Variants in TEKT5 observed in about 807,000 individuals in gnomAD.
TEKT5 encodes tektin-5.
TEKT5 carries 52 observed loss-of-function variants against 48.7 expected under a neutral mutation model. That is an observed-to-expected ratio of 1.07 (90% CI 0.86 to 1.35). The LOEUF is 1.35. Among genes scored for constraint, TEKT5 ranks in the 40% most tolerant of loss-of-function variants. The pLI is 0.00. For missense variants in TEKT5, 831 were observed against 641.6 expected, an observed-to-expected ratio of 1.30 and a Z score of -3.19; for synonymous variants, 318 against 267.6, an observed-to-expected ratio of 1.19 and a Z score of -1.84.
chr16:10,689,148 G>C, intron 3 of TEKT5, 105 bp downstream of exon 3: 1 of 816,108 alleles, frequency 1.2e-6, no homozygotes, highest in African/African-American at 1.8e-5. Flanking sequence ...CTGACCAAAA[G>C]AACCACCCAG....
At position 10,694,853 on chromosome 16, in the gene TEKT5, A is replaced by C. The variant is rs1290686823; in HGVS notation, c.21T>G (p.Thr7=). ...TGGGACCACAGTAACTGGCGGTCTG[A>C]GTAGTCCCAAGAAACTCCATCCTCC... is the stretch of plus-strand genomic sequence containing the variant. MEFLGT[T]QTASYCGPKK... The change falls in exon 1 of 7, where the codon ACT becomes ACG. Residue 7 remains threonine, a synonymous_variant. Coordinates refer to ENST00000283025, the MANE Select transcript of TEKT5 (RefSeq NM_144674.2). 3.8e-6 allele frequency: 6 copies of C among 1,569,596 alleles called. No individual in the cohort carries two copies. The highest frequency in any genetic ancestry group is 5.2e-6 in the Non-Finnish European group (6 of 1,161,086).
At position 10,694,521 on chromosome 16, in the gene TEKT5, T is replaced by G. The variant is rs775187217; in HGVS notation, c.353A>C (p.Asp118Ala). ...CTTGTCCTGCAAGAGCCTCATGGAG[T>G]CATCCGTCAGCCGGCTGGCCCACAG... Reference protein sequence around the residue: ...SRLWASRLTDDSMRLLQDKDQ... With the variant: ...SRLWASRLTDASMRLLQDKDQ... The change falls in exon 1 of 7, where the codon GAC becomes GCC. Residue 118 changes from aspartate (D) to alanine (A), a missense_variant. Coordinates refer to ENST00000283025, the MANE Select transcript of TEKT5 (RefSeq NM_144674.2). 5 of 1,609,312 alleles carry G rather than the reference T, an allele frequency of 3.1e-6. No individual in the cohort carries two copies. The South Asian group carries it at 5.5e-5, about 18-fold the overall frequency.
chr16:10,638,616 T>A lies in TEKT5; in HGVS notation c.1087-2698A>T, dbSNP rs904475279. ...CACTCCATACCACCTAAAGAAGCTA[T>A]TCATCAGCTCCACCAGGAACATCTT... is the stretch of plus-strand genomic sequence containing the variant. On this transcript the variant is annotated intron_variant, in intron 5 of 6. Transcript: ENST00000283025. Among the ~76,000 whole-genome samples, 3 of 152,224 alleles carry A rather than the reference T, an allele frequency of 2.0e-5. No individual in the cohort carries two copies. The East Asian group carries it at 5.8e-4, about 29-fold the overall frequency.
In TEKT5 at chr16:10,652,942, T is replaced by C. The variant is rs375591531; in HGVS notation, c.1087-17024A>G. Among the ~76,000 whole-genome samples the C allele has an allele frequency of 4.6e-5, 5 of 107,986 alleles. No individual in the cohort carries two copies. The South Asian group carries it at 1.5e-3, about 33-fold the overall frequency. The allele number at this position is 107,986 out of a possible 152,430, so 70.8% of individuals were successfully genotyped here. On this transcript the variant is annotated intron_variant, in intron 5 of 6. Coordinates refer to ENST00000283025, the MANE Select transcript of TEKT5 (RefSeq NM_144674.2). ...CACACACACACCCTCCCTCTCCAGG[T>C]CAGGTAGAACAATCTCTTATATACA...
At chr16:10,659,429 G>T (rs576171689) in intron 5 of TEKT5, among the ~76,000 whole-genome samples, 20 of 152,234 alleles carry the variant, frequency 1.3e-4, no homozygotes, top group Admixed American at 4.6e-4. Flanking sequence ...ACACAGGCTG[G>T]AGTGCAGTGG....
intron 5 of TEKT5, among the ~76,000 whole-genome samples, chr16:10,662,024 T>G (rs1015795787): frequency 6.6e-6 from 1 of 152,198 alleles, no homozygotes; most frequent in African/African-American, 2.4e-5. Context: ...CTATCTTTTT[T>G]CCTTTCTCTC....
intron 5 of TEKT5, among the ~76,000 whole-genome samples, chr16:10,655,373 T>A (rs1434598234): frequency 6.6e-6 from 1 of 152,190 alleles, no homozygotes; most frequent in Non-Finnish European, 1.5e-5. Flanking sequence ...TACCCCCTAT[T>A]CAACCTTGTA....
chr16:10,681,548 A>G (rs1898751098), intron 4 of TEKT5, among the ~76,000 whole-genome samples: 1 of 151,584 alleles, frequency 6.6e-6, no homozygotes, highest in Admixed American at 6.6e-5. Context: ...CCCCGCCACC[A>G]GCCGACCCCA....
intron 5 of TEKT5, among the ~76,000 whole-genome samples, chr16:10,657,581 C>T (rs1436768741): frequency 1.3e-5 from 2 of 149,814 alleles, no homozygotes; most frequent in Non-Finnish European, 2.9e-5. Context: ...AAAGTCATTC[C>T]CCTTTCAATT....
Position 10,627,713 on chromosome 16 carries a change from AGCAGCTGCAGCGTGTCCTGTGTCTCCC to A in TEKT5, c.1301_1327del (p.Arg434_Leu442del), listed in dbSNP as rs776866796. 26 of 1,614,110 alleles carry A rather than the reference AGCAGCTGCAGCGTGTCCTGTGTCTCCC, an allele frequency of 1.6e-5. No individual in the cohort carries two copies. The highest frequency in any genetic ancestry group is 1.6e-4 in the Middle Eastern group (1 of 6,084). The stretch of plus-strand genomic sequence containing the variant: ...CTCCAGCCGGCACTTGGTCATGACC[AGCAGCTGCAGCGTGTCCTGTGTCTCCC>A]GCAGCCGCAGCTTGAGGGTCTGCAG... On this transcript the variant is annotated inframe_deletion, in exon 7 of 7. Transcript: ENST00000283025.
chr16:10,648,774 T>C (rs868692130), intron 5 of TEKT5, among the ~76,000 whole-genome samples: 28 of 152,244 alleles, frequency 1.8e-4, no homozygotes, highest in African/African-American at 4.8e-4. Context: ...CCATCTTGCA[T>C]GGTTCACAAA....
At chr16:10,647,835 T>C (rs1375512951) in intron 5 of TEKT5, among the ~76,000 whole-genome samples, 1 of 152,254 alleles carries the variant, frequency 6.6e-6, no homozygotes, top group African/African-American at 2.4e-5. Flanking sequence ...GCAACAAATG[T>C]TCGTTGAGCA....
intron 5 of TEKT5, among the ~76,000 whole-genome samples, chr16:10,662,979 T>A (rs1251988766): frequency 6.6e-6 from 1 of 152,184 alleles, no homozygotes; most frequent in Admixed American, 6.5e-5. Flanking sequence ...GAAAACTCAA[T>A]TATGATCACC....
At chr16:10,678,272 C>T (rs2017169) in intron 4 of TEKT5, among the ~76,000 whole-genome samples, 75,883 of 151,366 alleles carry the variant, frequency 0.5, 20,690 homozygotes, top group East Asian at 0.81. Context: ...CTAATTTTTG[C>T]ATTTTTTGTA....
rs1244204778 is a variant in TEKT5 at position 10,675,952 on chromosome 16, T to C, written c.1086+7A>G. 10 of 1,613,908 alleles carry C rather than the reference T, an allele frequency of 6.2e-6. No individual in the cohort carries two copies. Among genetic ancestry groups the C allele is most frequent in the Non-Finnish European group, 7.6e-6 (9 of 1,179,956 alleles). ...AGAAGGCAGGGGTCCTGGGAGGATCTGCTCACCTTCGCCAGCTGCGTCTGC... is the reference window on the plus strand; with the variant it reads ...AGAAGGCAGGGGTCCTGGGAGGATCCGCTCACCTTCGCCAGCTGCGTCTGC... On this transcript the variant is annotated splice_region_variant and intron_variant, in intron 5 of 6. Transcript: ENST00000283025.
intron 5 of TEKT5, among the ~76,000 whole-genome samples, chr16:10,672,891 T>C (rs1229476514): frequency 4.0e-5 from 6 of 151,888 alleles, no homozygotes; most frequent in Non-Finnish European, 7.4e-5. Context: ...CTTGCTCTGT[T>C]GTCCAGGTTG....
chr16:10,629,246 T>C (rs1395401734), intron 6 of TEKT5, among the ~76,000 whole-genome samples: 1 of 151,802 alleles, frequency 6.6e-6, no homozygotes, highest in East Asian at 1.9e-4. Context: ...ACATGTATTT[T>C]ATCACAATTT....
rs770809662 is a variant in TEKT5, at chr16:10,694,517, G to C, written c.357C>G (p.Ser119=). Residue 119 remains serine (S), a synonymous_variant, in exon 1 of 7, where the codon TCC becomes TCG. Transcript: ENST00000283025. ...RLWASRLTDD[S]MRLLQDKDQL... is the part of the protein sequence containing the mutation. ...GGTCCTTGTCCTGCAAGAGCCTCAT[G>C]GAGTCATCCGTCAGCCGGCTGGCCC... 1 of 1,610,652 alleles carries C rather than the reference G, an allele frequency of 6.2e-7. No homozygotes were observed. Among genetic ancestry groups the C allele is most frequent in the Non-Finnish European group, 8.5e-7 (1 of 1,178,376 alleles).
At chr16:10,666,375 C>A (rs1898456669) in intron 5 of TEKT5, among the ~76,000 whole-genome samples, 1 of 152,194 alleles carries the variant, frequency 6.6e-6, no homozygotes. Flanking sequence ...CAAGGTTTCT[C>A]AGCCTCAGCA....
Sources: allele counts gnomAD v4.1 joint callset (sites outside exome capture counted in the v4.1 genomes callset), GRCh38; gene constraint gnomAD v4.1.1; transcripts MANE v1.5; gene names NCBI Gene and HGNC (gene_info 2026-07-23, HGNC 2026-07-21).